Variants in LRRC46 observed in about 807,000 individuals in gnomAD.
The protein encoded by LRRC46 is leucine-rich repeat-containing protein 46.
LRRC46 carries 20 observed loss-of-function variants against 28.0 expected under a neutral mutation model. That is an observed-to-expected ratio of 0.71 (90% CI 0.50 to 1.04). The LOEUF is 1.04. LRRC46 is among the 50% of genes least tolerant of loss of function. LRRC46 has a pLI of 0.00. For missense variants in LRRC46, 315 were observed against 390.1 expected (o/e 0.81, Z 1.62); for synonymous variants, 156 against 158.8 (o/e 0.98, Z 0.13).
intron 3 of LRRC46, 35 bp downstream of exon 3, chr17:47,834,568 C>T: frequency 5.7e-6 from 8 of 1,399,414 alleles, no homozygotes; most frequent in Non-Finnish European, 8.1e-6. Context: ...CTCCCCTTGA[C>T]CCCTGTGGAC....
chr17:47,831,682 G>A lies in LRRC46; in HGVS notation c.-308G>A, dbSNP rs1180032166. 1 of 691,258 alleles carries A rather than the reference G, an allele frequency of 1.4e-6. No homozygotes were observed. Among genetic ancestry groups the A allele is most frequent in the Non-Finnish European group, 2.4e-6 (1 of 411,410 alleles). The allele number at this position is 691,258 out of a possible 1,614,324, so 42.8% of individuals were successfully genotyped here. On this transcript the variant is annotated 5_prime_UTR_variant, in exon 1 of 8. Coordinates refer to ENST00000269025, the MANE Select transcript of LRRC46 (RefSeq NM_033413.4). The stretch of plus-strand genomic sequence containing the variant: ...CCTTTACCTCCCCACTCGGCGTCCA[G>A]TCTCTTAGCAACGACTCCGGCTTCC...
rs1298705366 is a variant in LRRC46 at position 47,836,003 on chromosome 17, C to G, written c.383-30C>G. On this transcript the variant is annotated intron_variant, in intron 5 of 7. Coordinates refer to ENST00000269025, the MANE Select transcript of LRRC46 (RefSeq NM_033413.4). This position sits in a 1 kb window ranked among gnomAD's most constrained non-coding sequence, Gnocchi z 5.8. ...TCTTTTGGCTAAGATCAAGTGAGAA[C>G]CCCATTTCCTCTCTCTTTGCTGTGT... 6.2e-7 allele frequency: 1 copy of G among 1,610,612 alleles called. No individual in the cohort carries two copies. Among genetic ancestry groups the G allele is most frequent in the East Asian group, 2.2e-5 (1 of 44,878 alleles).
intron 2 of LRRC46, 32 bp from the exon 3 acceptor site, chr17:47,834,393 T>C (rs771593680): frequency 1.3e-6 from 2 of 1,521,676 alleles, no homozygotes; most frequent in Non-Finnish European, 1.8e-6. Flanking sequence ...TGAGTGGTGC[T>C]CTAACACCAC....
In LRRC46 at chr17:47,832,132, G is replaced by T; in HGVS notation, c.43G>T (p.Val15Phe). 6.2e-7 allele frequency: 1 copy of T among 1,608,906 alleles called. No individual in the cohort carries two copies. Among genetic ancestry groups the T allele is most frequent in the East Asian group, 2.2e-5 (1 of 44,778 alleles). The change falls in exon 2 of 8, where the codon GTC (valine) becomes TTC (phenylalanine). Residue 15 changes from valine (V) to phenylalanine (F), a missense_variant. By Grantham distance (50) the Val-to-Phe change is conservative. Transcript: ENST00000269025. ...AGCCCAGGGTCCAGAGGAAGGGGGC[G>T]TCTGCATCACTGAAGCCCTTATCAC... The part of the protein sequence containing the change: ...KSAQGPEEGG[V>F]CITEALITKR...
chr17:47,836,431 A>G lies in LRRC46; in HGVS notation c.551A>G (p.Asp184Gly). 1 of 1,614,108 alleles carries G rather than the reference A, an allele frequency of 6.2e-7. No individual in the cohort carries two copies. Among genetic ancestry groups the G allele is most frequent in the Non-Finnish European group, 8.5e-7 (1 of 1,180,020 alleles). ...ISDEEDEASS[D>G]EEFPELSGPF... ...GATGAGGAGGATGAAGCCTCAAGCG[A>G]TGAGGAGTTCCCAGAGCTGAGTGGC... The change falls in exon 7 of 8, where the codon GAT (aspartate) becomes GGT (glycine). Residue 184 changes from aspartate to glycine, a missense_variant. Coordinates refer to ENST00000269025, the MANE Select transcript of LRRC46 (RefSeq NM_033413.4). The surrounding 1 kb of genome is among the most constrained non-coding windows in gnomAD (Gnocchi z 5.8).
intron 2 of LRRC46, chr17:47,833,852 G>A: frequency 1.2e-6 from 1 of 859,276 alleles, no homozygotes; most frequent in Non-Finnish European, 1.4e-6. Flanking sequence ...CTGGGCTCGA[G>A]CGATCCTCCT....
chr17:47,835,736 C>G lies in LRRC46; in HGVS notation c.343C>G (p.Leu115Val), dbSNP rs1461434629. ...CCTCGACCTCCCATGCCTCCAGTTT[C>G]TGGACCTTTCTGAGAACCTGATAGA... ...NLLDLPCLQF[L>V]DLSENLIETL... The change falls in exon 5 of 8, where the codon CTG (leucine) becomes GTG (valine). Residue 115 changes from leucine to valine, a missense_variant. Physicochemically the swap from Leu to Val is conservative, Grantham distance 32 (BLOSUM62 1). Coordinates refer to ENST00000269025, the MANE Select transcript of LRRC46 (RefSeq NM_033413.4). 1.2e-6 allele frequency: 2 copies of G among 1,614,234 alleles called. No homozygotes were observed. The highest frequency in any genetic ancestry group is 2.2e-5 in the South Asian group (2 of 91,084).
In LRRC46 at chr17:47,837,207, C is replaced by T; in HGVS notation, c.*87C>T. On this transcript the variant is annotated 3_prime_UTR_variant, in exon 8 of 8. Transcript: ENST00000269025. Reference sequence around the variant, plus strand: ...CTGACCTGTGACAGAAGCCCATCCCCAGTAAAGTGTCTCTAGGCCCTGAGT... The same window carrying T: ...CTGACCTGTGACAGAAGCCCATCCCTAGTAAAGTGTCTCTAGGCCCTGAGT... 6.5e-7 allele frequency: 1 copy of T among 1,536,344 alleles called. No individual in the cohort carries two copies. Among genetic ancestry groups the T allele is most frequent in the East Asian group, 2.3e-5 (1 of 44,158 alleles).
intron 3 of LRRC46, chr17:47,834,765 C>G: frequency 2.5e-6 from 1 of 397,638 alleles, no homozygotes; most frequent in East Asian, 4.2e-5. Context: ...AGGCACTTCT[C>G]TTGATCTAGA....
chr17:47,834,354 T>C, intron 2 of LRRC46, 71 bp from the exon 3 acceptor site: 2 of 1,115,066 alleles, frequency 1.8e-6, no homozygotes, highest in Non-Finnish European at 1.3e-6. Context: ...CCCTCCTCCG[T>C]CTCCCATCCT....
At chr17:47,832,595 C>A (rs2143605720) in intron 2 of LRRC46, among the ~76,000 whole-genome samples, 1 of 152,346 alleles carries the variant, frequency 6.6e-6, no homozygotes, top group Non-Finnish European at 1.5e-5. Flanking sequence ...ACAGGAGGAT[C>A]ACTTGAACCC....
intron 3 of LRRC46, chr17:47,834,757 G>T: frequency 2.4e-6 from 1 of 412,466 alleles, no homozygotes; most frequent in Non-Finnish European, 4.3e-6. Flanking sequence ...TGTTCTTTAG[G>T]CACTTCTCTT....
chr17:47,834,180 A>G, intron 2 of LRRC46: 1 of 1,035,600 alleles, frequency 9.7e-7, no homozygotes, highest in South Asian at 3.7e-5. Context: ...CCAATTTCCC[A>G]GAGGGCCCTT....
Position 47,835,400 on chromosome 17 carries a change from G to C in LRRC46, c.272+1G>C. 6.2e-7 allele frequency: 1 copy of C among 1,613,998 alleles called. No individual in the cohort carries two copies. The highest frequency in any genetic ancestry group is 1.1e-5 in the South Asian group (1 of 91,080). On this transcript the variant is annotated splice_donor_variant, in intron 4 of 7. Coordinates refer to ENST00000269025, the MANE Select transcript of LRRC46 (RefSeq NM_033413.4). LOFTEE classifies it high-confidence loss of function. Reference sequence around the variant, plus strand: ...ACCTGGCTTGCATCCCCTCCTTGCGGTATGTGGTGCCAGGGCTCAGGCAGG... The same window carrying C: ...ACCTGGCTTGCATCCCCTCCTTGCGCTATGTGGTGCCAGGGCTCAGGCAGG...
At position 47,835,650 on chromosome 17, in the gene LRRC46, C is replaced by T. The variant is rs1445010467; in HGVS notation, c.273-16C>T. 11 of 1,610,618 alleles carry T rather than the reference C, an allele frequency of 6.8e-6. No individual in the cohort carries two copies. The highest frequency in any genetic ancestry group is 8.5e-6 in the Non-Finnish European group (10 of 1,176,930). ...ATGATTCAGCTCTGCCTCTGTACCC[C>T]TTCCTTCCCCTACAGCTTCCTGTCT... On this transcript the variant is annotated splice_polypyrimidine_tract_variant and intron_variant, in intron 4 of 7. Transcript: ENST00000269025.
rs2033700350 is a variant in LRRC46, at chr17:47,836,618, C to A, written c.596-132C>A. ...ATCTGGGCCAGAGCCAGGTGTCAGTCCTGGGCCCCAGCCTCAGGCTCCTTC... is the reference window on the plus strand; with the variant it reads ...ATCTGGGCCAGAGCCAGGTGTCAGTACTGGGCCCCAGCCTCAGGCTCCTTC... On this transcript the variant is annotated intron_variant, in intron 7 of 7. Coordinates refer to ENST00000269025, the MANE Select transcript of LRRC46 (RefSeq NM_033413.4). This position sits in a 1 kb window ranked among gnomAD's most constrained non-coding sequence, Gnocchi z 5.8. 1 of 1,491,622 alleles carries A rather than the reference C, an allele frequency of 6.7e-7. No homozygotes were observed. The highest frequency in any genetic ancestry group is 1.3e-5 in the South Asian group (1 of 76,444). 92.4% of individuals were successfully genotyped at this position (1,491,622 alleles called of 1,614,324 possible). A position where few individuals can be genotyped will look rare whatever the true frequency, so the allele number is the denominator to read the frequency against.
rs1465934523 is a variant in LRRC46 at position 47,836,450 on chromosome 17, G to C, written c.570G>C (p.Leu190=). Residue 190 remains leucine, a synonymous_variant, in exon 7 of 8, where the codon CTG becomes CTC. Transcript: ENST00000269025. The surrounding 1 kb of genome is among the most constrained non-coding windows in gnomAD (Gnocchi z 5.8). ...EASSDEEFPE[L]SGPFCSERGF... is the part of the protein sequence containing the mutation. Reference sequence around the variant, plus strand: ...CAAGCGATGAGGAGTTCCCAGAGCTGAGTGGCCCATTCTGCTCAGAACGAG... The same window carrying C: ...CAAGCGATGAGGAGTTCCCAGAGCTCAGTGGCCCATTCTGCTCAGAACGAG... 2 of 1,614,032 alleles carry C rather than the reference G, an allele frequency of 1.2e-6. No homozygotes were observed. The highest frequency in any genetic ancestry group is 1.3e-5 in the African/African-American group (1 of 74,928).
rs2033635562 is a variant in LRRC46 at position 47,831,697 on chromosome 17, C to T, written c.-293C>T. ...TCGGCGTCCAGTCTCTTAGCAACGACTCCGGCTTCCTAGGAACTGCTCCTT... is the reference window on the plus strand; with the variant it reads ...TCGGCGTCCAGTCTCTTAGCAACGATTCCGGCTTCCTAGGAACTGCTCCTT... On this transcript the variant is annotated 5_prime_UTR_variant, in exon 1 of 8. Coordinates refer to ENST00000269025, the MANE Select transcript of LRRC46 (RefSeq NM_033413.4). 6.1e-6 allele frequency: 4 copies of T among 659,630 alleles called. No homozygotes were observed. The highest frequency in any genetic ancestry group is 1.8e-5 in the African/African-American group (1 of 54,802). 40.9% of individuals were successfully genotyped at this position (659,630 alleles called of 1,614,324 possible).
intron 3 of LRRC46, 60 bp downstream of exon 3, chr17:47,834,593 C>T: frequency 8.7e-7 from 1 of 1,150,402 alleles, no homozygotes; most frequent in Non-Finnish European, 1.3e-6. Flanking sequence ...TCTGTCTCAT[C>T]TGAAAGGAGC....
Sources: allele counts gnomAD v4.1 joint callset (sites outside exome capture counted in the v4.1 genomes callset), GRCh38; gene constraint gnomAD v4.1.1; non-coding constraint Gnocchi (gnomAD v3.1); transcripts MANE v1.5; gene names NCBI Gene and HGNC (gene_info 2026-07-23, HGNC 2026-07-21).